The following MRRF variants were observed in gnomAD, a reference collection of about 807,000 sequenced individuals.
MRRF encodes mitochondrial ribosome recycling factor, also known as ribosome-recycling factor, mitochondrial.
A neutral mutation model predicts 25.1 loss-of-function variants in MRRF; 18 were observed. That is an observed-to-expected ratio of 0.72 (90% CI 0.50 to 1.06). The LOEUF is 1.06. Among genes scored for constraint, MRRF ranks in the 50% least tolerant of loss-of-function variants. The pLI, the probability that MRRF is intolerant of heterozygous loss-of-function variation, is 0.00. For synonymous variants in MRRF, 113 were observed against 112.1 expected (o/e 1.01, Z -0.05); for missense variants, 323 against 319.3 (o/e 1.01, Z -0.09).
chr9:122,278,466 A>G (rs2119084020), intron 2 of MRRF, among the ~76,000 whole-genome samples: 1 of 152,042 alleles, frequency 6.6e-6, no homozygotes, highest in African/African-American at 2.4e-5. Context: ...ATATTCTCAT[A>G]TCTGGCCTTT....
chr9:122,291,380 G>A (rs1026060687), intron 4 of MRRF, among the ~76,000 whole-genome samples: 8 of 152,160 alleles, frequency 5.3e-5, no homozygotes, highest in Non-Finnish European at 7.4e-5. Flanking sequence ...ATTTTTTTAC[G>A]TATGAAATCT....
At chr9:122,313,090 T>C in intron 5 of MRRF, 137 bp from the exon 6 acceptor site, 1 of 917,042 alleles carries the variant, frequency 1.1e-6, no homozygotes, top group Admixed American at 2.1e-5. Flanking sequence ...GTTTTCCTCC[T>C]CCTGGAAATT....
rs764107948 is a variant in MRRF at position 122,313,306 on chromosome 9, G to A, written c.631G>A (p.Val211Ile). Residue 211 changes from valine (V) to isoleucine (I), a missense_variant, in exon 6 of 7, where the codon GTT becomes ATT. Physicochemically the swap from Val to Ile is conservative, Grantham distance 29. Transcript: ENST00000344641. ...TNKAKDSLRK[V>I]RTNSMNKLKK... ...CAAGGCCAAAGACTCTTTACGGAAG[G>A]TTCGCACCAACTCAATGAACAAGCT... 10 of 1,614,076 alleles carry A rather than the reference G, an allele frequency of 6.2e-6. No individual in the cohort carries two copies. The South Asian group carries it at 9.9e-5, about 16-fold the overall frequency.
chr9:122,280,518 A>T lies in MRRF; in HGVS notation c.260A>T (p.Glu87Val). The T allele has an allele frequency of 6.2e-7, 1 of 1,613,898 alleles. No individual in the cohort carries two copies. Among genetic ancestry groups the T allele is most frequent in the Non-Finnish European group, 8.5e-7 (1 of 1,179,774 alleles). ...GTTGAGGATATAATCAACTTGGAAG[A>T]GGTGAATGAAGAAATGAAGTCTGTG... is the stretch of plus-strand genomic sequence containing the variant. The part of the protein sequence containing the change: ...ALVEDIINLE[E>V]VNEEMKSVIE... The change falls in exon 3 of 7, where the codon GAG (glutamate) becomes GTG (valine). Residue 87 changes from glutamate (E) to valine (V), a missense_variant. Physicochemically the swap from Glu to Val is moderately radical, Grantham distance 121. Coordinates refer to ENST00000344641, the MANE Select transcript of MRRF (RefSeq NM_138777.5).
At position 122,328,593 on chromosome 9, in the gene MRRF, A is replaced by G. The variant is rs1421086220; in HGVS notation, c.*5976A>G. ...GCTGAGTAATCTGTTGTATATATGAATAAGTATATATAAAGCTCCTTTTAA... is the reference window on the plus strand; with the variant it reads ...GCTGAGTAATCTGTTGTATATATGAGTAAGTATATATAAAGCTCCTTTTAA... On this transcript the variant is annotated 3_prime_UTR_variant, in exon 7 of 7. Transcript: ENST00000344641. 6.6e-6 allele frequency: 1 copy of G among 152,234 alleles called. No homozygotes were observed. The highest frequency in any genetic ancestry group is 1.5e-5 in the Non-Finnish European group (1 of 68,040). The allele number at this position is 152,234 out of a possible 1,614,324, so 9.4% of individuals were successfully genotyped here. A position where few individuals can be genotyped will look rare whatever the true frequency, so the allele number is the denominator to read the frequency against.
At chr9:122,269,881 A>G (rs1161300157) in intron 1 of MRRF, among the ~76,000 whole-genome samples, 1 of 152,212 alleles carries the variant, frequency 6.6e-6, no homozygotes, top group African/African-American at 2.4e-5. Flanking sequence ...CTAAGAAATG[A>G]GTACAATTAT....
At chr9:122,280,747 A>G (rs1833054995) in intron 3 of MRRF, 149 bp downstream of exon 3, 5 of 710,100 alleles carry the variant, frequency 7.0e-6, no homozygotes, top group Non-Finnish European at 1.2e-5. Context: ...TTCTTGTTTG[A>G]TTCTTAACTT....
chr9:122,292,072 A>G (rs906823334), intron 5 of MRRF, among the ~76,000 whole-genome samples: 4 of 152,226 alleles, frequency 2.6e-5, no homozygotes, highest in Non-Finnish European at 5.9e-5. Flanking sequence ...TTGTCCTTAC[A>G]TAGTTTACAT....
chr9:122,311,061 C>A (rs1835174268), intron 5 of MRRF, among the ~76,000 whole-genome samples: 1 of 152,152 alleles, frequency 6.6e-6, no homozygotes, highest in Non-Finnish European at 1.5e-5. Context: ...GTCTGCTTCT[C>A]CTAATCCTCC....
chr9:122,322,691 C>G lies in MRRF; in HGVS notation c.*74C>G. The G allele has an allele frequency of 7.7e-7, 1 of 1,306,158 alleles. No homozygotes were observed. The highest frequency in any genetic ancestry group is 1.1e-6 in the Non-Finnish European group (1 of 908,406). 80.9% of individuals were successfully genotyped at this position (1,306,158 alleles called of 1,614,324 possible). On this transcript the variant is annotated 3_prime_UTR_variant, in exon 7 of 7. Transcript: ENST00000344641. ...CCATGGGTGGCACATTGGGACTTCT[C>G]TCCCTCCCCCATCTACACAGAAGAC...
At chr9:122,277,931 T>TA (rs1433731321) in intron 2 of MRRF, among the ~76,000 whole-genome samples, 2 of 152,122 alleles carry the variant, frequency 1.3e-5, no homozygotes, top group Admixed American at 6.5e-5. Flanking sequence ...TTTTTATTGA[T>TA]ACATATTTGT....
intron 5 of MRRF, among the ~76,000 whole-genome samples, chr9:122,306,938 A>G (rs913935765): frequency 6.6e-6 from 1 of 152,202 alleles, no homozygotes; most frequent in Non-Finnish European, 1.5e-5. Context: ...GTCCCCAGAG[A>G]GAACCAAAAT....
At chr9:122,317,737 GATTTT>G (rs1835624681) in intron 6 of MRRF, among the ~76,000 whole-genome samples, 1 of 152,088 alleles carries the variant, frequency 6.6e-6, no homozygotes, top group African/African-American at 2.4e-5. Context: ...AAACAATTTG[GATTTT>G]ATTTTGAGTG....
chr9:122,275,478 T>C (rs930527775), intron 2 of MRRF, among the ~76,000 whole-genome samples: 1 of 151,884 alleles, frequency 6.6e-6, no homozygotes, highest in South Asian at 2.1e-4. Flanking sequence ...ACAAAAAAAA[T>C]ACAAAAATTA....
Position 122,329,323 on chromosome 9 carries a change from C to A in MRRF, c.*6706C>A, listed in dbSNP as rs1171976403. The A allele has an allele frequency of 6.6e-6, 1 of 152,198 alleles. No homozygotes were observed. The highest frequency in any genetic ancestry group is 6.5e-5 in the Admixed American group (1 of 15,270). The allele number at this position is 152,198 out of a possible 1,614,324, so 9.4% of individuals were successfully genotyped here. On this transcript the variant is annotated 3_prime_UTR_variant, in exon 7 of 7. Coordinates refer to ENST00000344641, the MANE Select transcript of MRRF (RefSeq NM_138777.5). ...TTTGCCTAGTGTATGCTCCCTTAAA[C>A]CACTTCCCCACCAGCAGGCAAAACT...
chr9:122,319,154 T>C (rs1010027225), intron 6 of MRRF, among the ~76,000 whole-genome samples: 7 of 145,542 alleles, frequency 4.8e-5, no homozygotes, highest in Admixed American at 1.4e-4. Flanking sequence ...TTTCTTTTTT[T>C]TTTTTTTTTT....
chr9:122,266,259 G>A (rs1424108711), intron 1 of MRRF, among the ~76,000 whole-genome samples: 1 of 152,226 alleles, frequency 6.6e-6, no homozygotes, highest in East Asian at 1.9e-4. Flanking sequence ...AGCTTGTATT[G>A]TTAAGAATTA....
rs1199830410 is a variant in MRRF at position 122,329,244 on chromosome 9, T to C, written c.*6627T>C. 1 of 152,198 alleles carries C rather than the reference T, an allele frequency of 6.6e-6. No homozygotes were observed. Among genetic ancestry groups the C allele is most frequent in the African/African-American group, 2.4e-5 (1 of 41,430 alleles). The allele number at this position is 152,198 out of a possible 1,614,324, so 9.4% of individuals were successfully genotyped here. ...CGGAATTATTAGCTTTTCTGAAAGC[T>C]AATAATTTTGTGCTGCTTTCTCTCA... On this transcript the variant is annotated 3_prime_UTR_variant, in exon 7 of 7. Transcript: ENST00000344641.
chr9:122,271,643 A>C (rs1156549056), intron 2 of MRRF, among the ~76,000 whole-genome samples: 1 of 152,326 alleles, frequency 6.6e-6, no homozygotes, highest in South Asian at 2.1e-4. Flanking sequence ...TTTGCCTTTG[A>C]TGCACTTAGA....
Sources: allele counts gnomAD v4.1 joint callset (sites outside exome capture counted in the v4.1 genomes callset), GRCh38; gene constraint gnomAD v4.1.1; transcripts MANE v1.5; gene names NCBI Gene and HGNC (gene_info 2026-07-23, HGNC 2026-07-21).